The following MIB1 variants were observed in gnomAD, a reference collection of about 807,000 sequenced individuals.
MIB1 encodes MIB E3 ubiquitin protein ligase 1.
MIB1 carries 278 observed loss-of-function variants against 124.5 expected under a neutral mutation model. That is an observed-to-expected ratio of 2.23 (90% confidence interval 2.02 to 2.47). The LOEUF (loss-of-function observed/expected upper bound fraction) is 2.47, where lower values mean the gene tolerates loss of function less well. Ranked by LOEUF, MIB1 falls within the 30% of genes most tolerant of loss-of-function variation. The pLI, the probability that MIB1 is intolerant of heterozygous loss-of-function variation, is 0.00. For synonymous variants in MIB1, 446 were observed against 429.4 expected (o/e 1.04, Z -0.48); for missense variants, 957 against 1,254.4 (o/e 0.76, Z 3.58).
At chr18:21,713,370 G>T (rs1050829977) in intron 1 of MIB1, among the ~76,000 whole-genome samples, 1 of 151,964 alleles carries the variant, frequency 6.6e-6, no homozygotes, top group Non-Finnish European at 1.5e-5. Flanking sequence ...CCAGCACTTT[G>T]GGAGGCCGAG....
At chr18:21,855,807 C>G (rs1246635129) in intron 18 of MIB1, among the ~76,000 whole-genome samples, 1 of 152,030 alleles carries the variant, frequency 6.6e-6, no homozygotes, top group Non-Finnish European at 1.5e-5. Flanking sequence ...TTGAAATGAA[C>G]AAGACACTTG....
rs1384855713 is a variant in MIB1, at chr18:21,724,997, A to G, written n.167+19874A>G. Among the ~76,000 whole-genome samples the G allele has an allele frequency of 2.1e-5, 3 of 145,120 alleles. No individual in the cohort carries two copies. In the East Asian group the frequency reaches 6.4e-4, roughly 31 times the overall value. Reference sequence around the variant, plus strand: ...GTAGTCCCAGCTACTCGGGAGGCTGAGGCAGGAGAATGGCGTGAACGCGGG... The same window carrying G: ...GTAGTCCCAGCTACTCGGGAGGCTGGGGCAGGAGAATGGCGTGAACGCGGG... On this transcript the variant is annotated intron_variant and non_coding_transcript_variant, in intron 1 of 20. Transcript: ENST00000578646.
At chr18:21,753,280 A>G (rs2040995391) in intron 1 of MIB1, among the ~76,000 whole-genome samples, 1 of 151,454 alleles carries the variant, frequency 6.6e-6, no homozygotes. Context: ...CCTTGGCTTC[A>G]CAGGTTCAAG....
chr18:21,829,713 C>T (rs186460860), intron 12 of MIB1, among the ~76,000 whole-genome samples: 22 of 152,036 alleles, frequency 1.4e-4, no homozygotes, highest in South Asian at 4.1e-4. Context: ...TAGTTCCTTA[C>T]CTGAAGTTTG....
At chr18:21,817,154 C>CTT (rs1040673828) in intron 11 of MIB1, among the ~76,000 whole-genome samples, 2,925 of 74,810 alleles carry the variant, frequency 0.039, 174 homozygotes, top group African/African-American at 0.081. Context: ...GTTAGGAATT[C>CTT]TTTTTTTTTT....
rs546912988 is a variant in MIB1 at position 21,725,148 on chromosome 18, C to A, written n.167+20025C>A. Among the ~76,000 whole-genome samples the A allele has an allele frequency of 2.9e-3, 435 of 148,968 alleles. 4 individuals are homozygous for A. In the South Asian group the frequency reaches 0.042, roughly 14 times the overall value. On this transcript the variant is annotated intron_variant and non_coding_transcript_variant, in intron 1 of 20. Coordinates refer to the MIB1 transcript ENST00000578646. ...TGTCATAAATTATTTATTAATAAAC[C>A]ATTGTGACCCCAACCTCAGTTCTAA...
Position 21,847,121 on chromosome 18 carries a change from G to C in MIB1, c.2389G>C (p.Val797Leu). The stretch of plus-strand genomic sequence containing the variant: ...ACTGGCAAAGTGTCATAAGGAAAAA[G>C]TCAGGTTTGTATTATTTATTATCAT... ...KALAKCHKEK[V>L]SGQVGSRSPS... The change falls in exon 16 of 21, where the codon GTC becomes CTC. Residue 797 changes from valine (V) to leucine (L), a missense_variant. By Grantham distance (32) the Val-to-Leu change is conservative. Coordinates refer to ENST00000261537, the MANE Select transcript of MIB1 (RefSeq NM_020774.4). 6.2e-7 allele frequency: 1 copy of C among 1,613,662 alleles called. No homozygotes were observed. Among genetic ancestry groups the C allele is most frequent in the Non-Finnish European group, 8.5e-7 (1 of 1,179,662 alleles).
At chr18:21,782,313 G>C (rs748142862) in intron 6 of MIB1, among the ~76,000 whole-genome samples, 1 of 151,954 alleles carries the variant, frequency 6.6e-6, no homozygotes, top group Non-Finnish European at 1.5e-5. Context: ...AGTAGAGATG[G>C]GGTTTCTCCA....
intron 6 of MIB1, among the ~76,000 whole-genome samples, chr18:21,782,727 A>T (rs1174434594): frequency 1.3e-5 from 2 of 152,146 alleles, no homozygotes; most frequent in Admixed American, 6.5e-5. Flanking sequence ...GCTGATGAGA[A>T]CAGTGTGTAT....
chr18:21,713,588 G>A (rs990107192), intron 1 of MIB1, among the ~76,000 whole-genome samples: 11 of 137,902 alleles, frequency 8.0e-5, no homozygotes, highest in Non-Finnish European at 1.4e-4. Context: ...ACTCCAGCCC[G>A]GGCGACAGAG....
intron 20 of MIB1, among the ~76,000 whole-genome samples, chr18:21,861,375 A>C (rs1363287068): frequency 6.6e-6 from 1 of 152,052 alleles, no homozygotes. Flanking sequence ...GAATAAGCTG[A>C]GTTTTGAACA....
intron 16 of MIB1, among the ~76,000 whole-genome samples, chr18:21,848,312 T>C (rs2042152091): frequency 6.6e-6 from 1 of 151,858 alleles, no homozygotes; most frequent in Non-Finnish European, 1.5e-5. Context: ...AAAAACTAGC[T>C]GGGCGCATGC....
chr18:21,800,812 A>G (rs987363151), intron 9 of MIB1, among the ~76,000 whole-genome samples: 9 of 152,240 alleles, frequency 5.9e-5, no homozygotes, highest in Admixed American at 3.3e-4. Flanking sequence ...AGAGAAATCA[A>G]TTGTAGCAAT....
intron 11 of MIB1, among the ~76,000 whole-genome samples, chr18:21,816,694 A>G (rs754145817): frequency 6.6e-5 from 10 of 152,242 alleles, no homozygotes; most frequent in Non-Finnish European, 4.4e-5. Flanking sequence ...TGGTTGCTGG[A>G]TTGGATAGAT....
At chr18:21,857,546 G>A (rs1011845307) in intron 19 of MIB1, among the ~76,000 whole-genome samples, 1 of 152,224 alleles carries the variant, frequency 6.6e-6, no homozygotes, top group African/African-American at 2.4e-5. Flanking sequence ...ATGAAATTTA[G>A]TGTGTTTTGT....
rs1412507252 is a variant in MIB1 at position 21,868,007 on chromosome 18, G to T, written c.*3341G>T. ...CATCAAATTATAGGCTTTAATACAGGTTGCTTTTTTTAATCCAAAAGGAAA... is the reference window on the plus strand; with the variant it reads ...CATCAAATTATAGGCTTTAATACAGTTTGCTTTTTTTAATCCAAAAGGAAA... On this transcript the variant is annotated 3_prime_UTR_variant, in exon 21 of 21. Coordinates refer to ENST00000261537, the MANE Select transcript of MIB1 (RefSeq NM_020774.4). 6.6e-6 allele frequency: 1 copy of T among 151,936 alleles called. No homozygotes were observed. Among genetic ancestry groups the T allele is most frequent in the East Asian group, 1.9e-4 (1 of 5,192 alleles). The allele number at this position is 151,936 out of a possible 1,614,324, so 9.4% of individuals were successfully genotyped here.
intron 12 of MIB1, chr18:21,828,880 T>A (rs1054101298): frequency 3.3e-6 from 1 of 306,982 alleles, no homozygotes; most frequent in African/African-American, 2.3e-5. Flanking sequence ...CTTTTTTTTT[T>A]GGTGTTAGTA....
chr18:21,852,686 G>T (rs368662759), intron 17 of MIB1, among the ~76,000 whole-genome samples: 3 of 152,140 alleles, frequency 2.0e-5, no homozygotes, highest in African/African-American at 7.2e-5. Flanking sequence ...TTAAATGTGG[G>T]TAAACAGAAA....
Position 21,771,700 on chromosome 18 carries a change from T to C in MIB1, c.532-1924T>C, listed in dbSNP as rs74781370. Among the ~76,000 whole-genome samples the C allele has an allele frequency of 1.2e-3, 186 of 152,208 alleles. 3 individuals are homozygous for C. The East Asian group carries it at 0.03, about 25-fold the overall frequency. On this transcript the variant is annotated intron_variant, in intron 3 of 20. Coordinates refer to ENST00000261537, the MANE Select transcript of MIB1 (RefSeq NM_020774.4). ...CTATTTTTTTTCTTAGGTTGGGTAA[T>C]AATTACATGGGTGTTCAGTTTATTT...
Sources: allele counts gnomAD v4.1 joint callset (sites outside exome capture counted in the v4.1 genomes callset), GRCh38; gene constraint gnomAD v4.1.1; transcripts MANE v1.5; gene names NCBI Gene and HGNC (gene_info 2026-07-23, HGNC 2026-07-21).